Variants in MSRA observed in about 807,000 individuals in gnomAD.
The protein encoded by MSRA is mitochondrial peptide methionine sulfoxide reductase.
A neutral mutation model predicts 31.3 loss-of-function variants in MSRA; 54 were observed. The observed-to-expected ratio is 1.73, with a 90% CI of 1.39 to 2.17. The LOEUF (loss-of-function observed/expected upper bound fraction) is 2.17. MSRA is among the 30% of genes most tolerant of loss of function. The pLI, the probability that MSRA is intolerant of heterozygous loss-of-function variation, is 0.00. For synonymous variants in MSRA, 169 were observed against 116.5 expected, an observed-to-expected ratio of 1.45 and a Z score of -2.90; for missense variants, 507 against 300.9, an observed-to-expected ratio of 1.69 and a Z score of -5.07.
chr8:10,295,404 T>A (rs778637455), intron 3 of MSRA, among the ~76,000 whole-genome samples: 8 of 123,816 alleles, frequency 6.5e-5, no homozygotes, highest in Non-Finnish European at 1.3e-4. Context: ...TACTCCTTCC[T>A]TCTCACACAG....
intron 1 of MSRA, among the ~76,000 whole-genome samples, chr8:10,133,505 G>A (rs185957708): frequency 2.8e-3 from 421 of 152,282 alleles, no homozygotes; most frequent in Non-Finnish European, 4.3e-3. Flanking sequence ...AGATTTTAGG[G>A]ATAGTTCCTA....
intron 1 of MSRA, among the ~76,000 whole-genome samples, chr8:10,135,875 A>G (rs752289576): frequency 6.6e-6 from 1 of 152,196 alleles, no homozygotes; most frequent in Non-Finnish European, 1.5e-5. Flanking sequence ...CAGAGGCATA[A>G]CGAACCATGC....
chr8:10,349,602 G>T (rs929124945), intron 5 of MSRA, among the ~76,000 whole-genome samples: 2 of 152,168 alleles, frequency 1.3e-5, no homozygotes, highest in African/African-American at 4.8e-5. Flanking sequence ...GCCTCCCCTG[G>T]CTCATGCCTC....
chr8:10,122,965 C>T (rs750103290), intron 1 of MSRA, among the ~76,000 whole-genome samples: 5 of 152,156 alleles, frequency 3.3e-5, no homozygotes, highest in Non-Finnish European at 5.9e-5. Flanking sequence ...TACATCTTTG[C>T]TATTGTGAAT....
chr8:10,195,844 A>G (rs1240026008), intron 1 of MSRA, among the ~76,000 whole-genome samples: 2 of 152,270 alleles, frequency 1.3e-5, no homozygotes, highest in African/African-American at 2.4e-5. Flanking sequence ...TCAAGAAATA[A>G]AGCCAGAATT....
chr8:10,297,706 T>A (rs368573579), intron 3 of MSRA, among the ~76,000 whole-genome samples: 1 of 152,242 alleles, frequency 6.6e-6, no homozygotes, highest in Non-Finnish European at 1.5e-5. Flanking sequence ...CTGTGCTGTT[T>A]GTCAAGGCAA....
At chr8:10,300,442 GA>G (rs1159329048) in intron 3 of MSRA, among the ~76,000 whole-genome samples, 1 of 152,076 alleles carries the variant, frequency 6.6e-6, no homozygotes, top group Non-Finnish European at 1.5e-5. Flanking sequence ...TTTTAGTGGA[GA>G]CGGGGTTACA....
At position 10,219,209 on chromosome 8, in the gene MSRA, C is replaced by G. The variant is rs545802760; in HGVS notation, c.211+11308C>G. Among the ~76,000 whole-genome samples the G allele has an allele frequency of 3.3e-5, 5 of 152,318 alleles. No homozygotes were observed. The South Asian group carries it at 8.3e-4, about 25-fold the overall frequency. On this transcript the variant is annotated intron_variant, in intron 2 of 5. Coordinates refer to ENST00000317173, the MANE Select transcript of MSRA (RefSeq NM_012331.5). Reference sequence around the variant, plus strand: ...TGCTGCCCATAGCGAAGATTAACAGCTGGGCCATTTCACCTGGAGCGCTTT... The same window carrying G: ...TGCTGCCCATAGCGAAGATTAACAGGTGGGCCATTTCACCTGGAGCGCTTT...
intron 5 of MSRA, among the ~76,000 whole-genome samples, chr8:10,386,229 C>T (rs964983715): frequency 9.2e-5 from 14 of 152,322 alleles, no homozygotes; most frequent in African/African-American, 3.1e-4. Flanking sequence ...GGAAACGATT[C>T]TCCCAAAATT....
intron 1 of MSRA, among the ~76,000 whole-genome samples, chr8:10,196,612 C>G (rs1808011826): frequency 6.6e-6 from 1 of 152,122 alleles, no homozygotes; most frequent in African/African-American, 2.4e-5. Flanking sequence ...TGCAGTGGTG[C>G]AATCTCGACT....
chr8:10,336,569 G>T (rs1585510989), intron 5 of MSRA, among the ~76,000 whole-genome samples: 1 of 152,216 alleles, frequency 6.6e-6, no homozygotes, highest in East Asian at 1.9e-4. Flanking sequence ...AATAAGTGAG[G>T]AAAGAGACAA....
intron 5 of MSRA, among the ~76,000 whole-genome samples, chr8:10,361,586 A>C (rs1029505236): frequency 6.6e-6 from 1 of 152,144 alleles, no homozygotes; most frequent in Admixed American, 6.5e-5. Flanking sequence ...TCGGGATGTA[A>C]ACACAAGCCA....
intron 5 of MSRA, among the ~76,000 whole-genome samples, chr8:10,339,796 CT>C (rs1243170822): frequency 6.6e-6 from 1 of 152,088 alleles, no homozygotes; most frequent in East Asian, 1.9e-4. Context: ...CCGCCTCGGC[CT>C]CCCAAAGTGC....
At chr8:10,159,932 G>A (rs1804491776) in intron 1 of MSRA, among the ~76,000 whole-genome samples, 1 of 152,186 alleles carries the variant, frequency 6.6e-6, no homozygotes, top group Non-Finnish European at 1.5e-5. Flanking sequence ...AAGTTAGGAA[G>A]AAACGACTTA....
intron 1 of MSRA, among the ~76,000 whole-genome samples, chr8:10,079,559 T>C (rs1798176190): frequency 6.6e-6 from 1 of 152,156 alleles, no homozygotes; most frequent in African/African-American, 2.4e-5. Flanking sequence ...AATGAATAGC[T>C]CCCTTATTAA....
At chr8:10,358,120 G>A (rs1462916194) in intron 5 of MSRA, among the ~76,000 whole-genome samples, 1 of 152,034 alleles carries the variant, frequency 6.6e-6, no homozygotes, top group African/African-American at 2.4e-5. Flanking sequence ...GTGGAGACGG[G>A]GTTTCACCAT....
At chr8:10,203,424 A>G (rs1456818346) in intron 1 of MSRA, among the ~76,000 whole-genome samples, 2 of 152,244 alleles carry the variant, frequency 1.3e-5, no homozygotes, top group African/African-American at 2.4e-5. Context: ...CATGTGCCAC[A>G]TAACAATGTT....
rs140121242 is a variant in MSRA at position 10,133,637 on chromosome 8, C to T, written c.143-74196C>T. On this transcript the variant is annotated intron_variant, in intron 1 of 5. Coordinates refer to ENST00000317173, the MANE Select transcript of MSRA (RefSeq NM_012331.5). ...ACCCACAGTGGGGAAAAAAGACCTA[C>T]ATCACAGGGTTATTGTTAGGCTTAA... Among the ~76,000 whole-genome samples the T allele has an allele frequency of 9.1e-4, 139 of 152,314 alleles. 1 individual carries two copies. Among genetic ancestry groups the T allele is most frequent in the African/African-American group, 3.1e-3 (128 of 41,568 alleles).
intron 5 of MSRA, among the ~76,000 whole-genome samples, chr8:10,355,737 G>C (rs887707261): frequency 5.9e-5 from 9 of 152,270 alleles, no homozygotes; most frequent in African/African-American, 2.2e-4. Flanking sequence ...TGGTGGTCCT[G>C]GGTGAGGGTC....
Sources: allele counts gnomAD v4.1 joint callset (sites outside exome capture counted in the v4.1 genomes callset), GRCh38; gene constraint gnomAD v4.1.1; transcripts MANE v1.5; gene names NCBI Gene and HGNC (gene_info 2026-07-23, HGNC 2026-07-21).